Variants in PAWR observed in about 807,000 individuals in gnomAD.
PAWR encodes the protein PRKC apoptosis WT1 regulator protein.
Under a neutral mutation model 32.0 loss-of-function variants are expected in PAWR, and 23 were observed. The ratio of observed to expected loss-of-function variants is 0.72; its 90% CI spans 0.52 to 1.02. PAWR has a LOEUF of 1.02. Among genes scored for constraint, PAWR ranks in the 50% least tolerant of loss-of-function variants. The pLI, the probability that PAWR is intolerant of heterozygous loss-of-function variation, is 0.00. For missense variants in PAWR, 457 were observed against 437.7 expected, an observed-to-expected ratio of 1.04 and a Z score of -0.39; for synonymous variants, 226 against 187.1, an observed-to-expected ratio of 1.21 and a Z score of -1.70.
chr12:79,644,959 C>T (rs1307455147), intron 2 of PAWR, among the ~76,000 whole-genome samples: 2 of 151,814 alleles, frequency 1.3e-5, no homozygotes, highest in African/African-American at 4.8e-5. Flanking sequence ...TCCTATTATA[C>T]TTTCCATAGC....
chr12:79,615,437 C>T (rs764983897), intron 3 of PAWR, among the ~76,000 whole-genome samples: 17 of 152,142 alleles, frequency 1.1e-4, no homozygotes, highest in East Asian at 1.9e-4. Context: ...GATACTTGAG[C>T]GACTGTGTAT....
intron 2 of PAWR, among the ~76,000 whole-genome samples, chr12:79,664,986 A>G (rs1877535352): frequency 6.6e-6 from 1 of 152,154 alleles, no homozygotes; most frequent in Non-Finnish European, 1.5e-5. Flanking sequence ...GCAATTCACT[A>G]AACCATTTTC....
chr12:79,681,081 C>T (rs1878418208), intron 2 of PAWR, among the ~76,000 whole-genome samples: 1 of 126,252 alleles, frequency 7.9e-6, no homozygotes, highest in African/African-American at 3.0e-5. Flanking sequence ...TGCCACTGCA[C>T]TGAGCCTGGG....
chr12:79,594,459 A>C (rs778554616), intron 5 of PAWR, 26 bp from the exon 6 acceptor site: 2 of 1,061,866 alleles, frequency 1.9e-6, no homozygotes, highest in African/African-American at 3.2e-5. Context: ...AAAAACCAGT[A>C]ATTAGGAAGT....
intron 2 of PAWR, among the ~76,000 whole-genome samples, chr12:79,638,877 TATATATATATATATATATA>T (rs1319692441): frequency 1.2e-4 from 1 of 8,238 alleles, no homozygotes; most frequent in African/African-American, 6.0e-4. Context: ...TATATATATA[TATATATATATATATATATA>T]TTTTTTTTTT....
intron 2 of PAWR, chr12:79,635,564 CAGG>C (rs1221672072): frequency 6.6e-6 from 1 of 152,028 alleles, no homozygotes; most frequent in East Asian, 1.9e-4. Flanking sequence ...AAAAACAAAG[CAGG>C]AGAAGTACAG....
chr12:79,690,638 C>T (rs1334779330), intron 1 of PAWR: 1 of 166,276 alleles, frequency 6.0e-6, no homozygotes, highest in African/African-American at 2.4e-5. Flanking sequence ...CCGCCCGCCC[C>T]ATCCCCACCA....
At chr12:79,598,081 A>G (rs545720148) in intron 4 of PAWR, 2 of 152,404 alleles carry the variant, frequency 1.3e-5, no homozygotes, top group African/African-American at 4.8e-5. Flanking sequence ...TGACAGAGCA[A>G]CTGAGACAGA....
At chr12:79,677,370 TAGTC>T (rs1227591739) in intron 2 of PAWR, among the ~76,000 whole-genome samples, 2 of 152,178 alleles carry the variant, frequency 1.3e-5, no homozygotes, top group Non-Finnish European at 2.9e-5. Context: ...TATCACTGGA[TAGTC>T]AGAATCACTG....
intron 3 of PAWR, among the ~76,000 whole-genome samples, chr12:79,614,922 T>A (rs1028950906): frequency 6.6e-5 from 10 of 152,228 alleles, no homozygotes; most frequent in African/African-American, 2.4e-4. Context: ...ACTATGGGTT[T>A]AACCTCTATC....
chr12:79,682,395 C>T (rs1031330149), intron 2 of PAWR, among the ~76,000 whole-genome samples: 12 of 152,180 alleles, frequency 7.9e-5, no homozygotes, highest in Non-Finnish European at 1.5e-4. Context: ...AAATTCTCTC[C>T]TATCTGTTCA....
At position 79,591,021 on chromosome 12, in the gene PAWR, A is replaced by G. The variant is rs911475743; in HGVS notation, c.*1586T>C. 6.6e-6 allele frequency: 1 copy of G among 152,228 alleles called. No homozygotes were observed. The highest frequency in any genetic ancestry group is 1.5e-5 in the Non-Finnish European group (1 of 68,042). The allele number at this position is 152,228 out of a possible 1,614,324, so 9.4% of individuals were successfully genotyped here. ...TTCAATGGAATAAAGAAACAGCAGCAGCTGCTTCAAAAGTAGACTATGATC... is the reference window on the plus strand; with the variant it reads ...TTCAATGGAATAAAGAAACAGCAGCGGCTGCTTCAAAAGTAGACTATGATC... On this transcript the variant is annotated 3_prime_UTR_variant, in exon 7 of 7. Coordinates refer to ENST00000328827, the MANE Select transcript of PAWR (RefSeq NM_002583.4).
Position 79,641,845 on chromosome 12 carries a change from CAAAAAAAAAAAAAA to C in PAWR, c.517-20652_517-20639del, listed in dbSNP as rs35377529. On this transcript the variant is annotated intron_variant, in intron 2 of 6. Coordinates refer to ENST00000328827, the MANE Select transcript of PAWR (RefSeq NM_002583.4). ...CTGGCAACCGAGCGAGACTCCGTCT[CAAAAAAAAAAAAAA>C]AAAAAAAAAAAAAAAAGTCATATGA... 2.8e-4 allele frequency among the ~76,000 whole-genome samples: 16 copies of C among 57,690 alleles called. 1 individual carries two copies. Among genetic ancestry groups the C allele is most frequent in the South Asian group, 1.4e-3 (1 of 722 alleles). 37.8% of individuals were successfully genotyped at this position (57,690 alleles called of 152,430 possible).
intron 2 of PAWR, among the ~76,000 whole-genome samples, chr12:79,654,570 C>A (rs1331366341): frequency 6.6e-6 from 1 of 152,078 alleles, no homozygotes; most frequent in African/African-American, 2.4e-5. Context: ...TGTATTAGTC[C>A]GTTTTCACAC....
At chr12:79,660,473 C>A (rs1378338657) in intron 2 of PAWR, among the ~76,000 whole-genome samples, 1 of 152,038 alleles carries the variant, frequency 6.6e-6, no homozygotes, top group Non-Finnish European at 1.5e-5. Flanking sequence ...GTTTGAGAAC[C>A]ACTGCCACAG....
At chr12:79,648,551 G>C (rs982372844) in intron 2 of PAWR, among the ~76,000 whole-genome samples, 2 of 151,584 alleles carry the variant, frequency 1.3e-5, no homozygotes, top group African/African-American at 4.9e-5. Flanking sequence ...GGGAGACCAA[G>C]GCGGGGGGAT....
chr12:79,690,417 G>T, intron 1 of PAWR, 26 bp from the exon 2 acceptor site: 1 of 1,293,950 alleles, frequency 7.7e-7, no homozygotes, highest in Non-Finnish European at 9.9e-7. Context: ...AAAGGGGGCG[G>T]GTAAGGGAAG....
intron 2 of PAWR, among the ~76,000 whole-genome samples, chr12:79,681,386 G>A (rs1878440570): frequency 6.6e-6 from 1 of 152,082 alleles, no homozygotes; most frequent in Non-Finnish European, 1.5e-5. Flanking sequence ...CTTGAGCCCA[G>A]GAGTTTGAGG....
intron 2 of PAWR, among the ~76,000 whole-genome samples, chr12:79,685,249 C>T (rs577688312): frequency 7.9e-4 from 120 of 152,326 alleles, no homozygotes; most frequent in Non-Finnish European, 1.6e-3. Flanking sequence ...AGTGTTTACA[C>T]TATATCTACC....
Sources: gnomAD v4.1 joint callset for allele counts (sites outside exome capture counted in the v4.1 genomes callset) on GRCh38, gnomAD v4.1.1 for gene constraint, MANE v1.5 for transcripts, NCBI Gene and HGNC (gene_info 2026-07-23, HGNC 2026-07-21) for gene names.